Variants in PPP2R1B observed in about 807,000 individuals in gnomAD.
The protein encoded by PPP2R1B is protein phosphatase 2 scaffold subunit Abeta.
A neutral mutation model predicts 72.7 loss-of-function variants in PPP2R1B; 58 were observed. That is an observed-to-expected ratio of 0.80 (90% CI 0.65 to 0.99). PPP2R1B has a LOEUF of 0.99. Ranked by LOEUF, PPP2R1B falls within the 50% of genes least tolerant of loss-of-function variation. PPP2R1B has a pLI of 0.00. For synonymous variants in PPP2R1B, 256 were observed against 264.6 expected (o/e 0.97, Z 0.32); for missense variants, 695 against 733.6 (o/e 0.95, Z 0.61).
At chr11:111,699,609 C>G in the PPP2R1B span, among the ~76,000 whole-genome samples, 1 of 152,208 alleles carries the variant, frequency 6.6e-6, no homozygotes, top group African/African-American at 2.4e-5. Context: ...TTCCATGAAG[C>G]TGTAATAATG....
the PPP2R1B span, among the ~76,000 whole-genome samples, chr11:111,697,331 G>A: frequency 2.6e-5 from 4 of 152,050 alleles, no homozygotes; most frequent in Admixed American, 6.6e-5. Context: ...GATCTTTATC[G>A]AGCAGCTGTT....
the PPP2R1B span, among the ~76,000 whole-genome samples, chr11:111,704,102 C>T: frequency 5.3e-5 from 8 of 152,172 alleles, no homozygotes; most frequent in East Asian, 1.9e-4. Context: ...ACCAAGGCTC[C>T]GGGCTGTGCT....
chr11:111,745,032 G>C (rs2136053668), intron 11 of PPP2R1B, among the ~76,000 whole-genome samples: 1 of 147,472 alleles, frequency 6.8e-6, no homozygotes, highest in East Asian at 2.0e-4. Context: ...TAGAGTATTT[G>C]TGTCTTCTCC....
At chr11:111,701,101 C>A in the PPP2R1B span, 1 of 1,470,606 alleles carries the variant, frequency 6.8e-7, no homozygotes, top group Non-Finnish European at 9.1e-7. This position sits in a 1 kb window ranked among gnomAD's most constrained non-coding sequence, Gnocchi z 4.2. Flanking sequence ...GTACTTAACA[C>A]ATAAGCAGTA....
intron 5 of PPP2R1B, among the ~76,000 whole-genome samples, chr11:111,757,818 G>A (rs968705724): frequency 2.0e-4 from 30 of 149,026 alleles, no homozygotes; most frequent in Admixed American, 1.8e-3. Flanking sequence ...CTGGGCGACA[G>A]GAGTGAAACT....
rs546090548 is a variant in PPP2R1B, at chr11:111,755,295, C to G, written c.843G>C (p.Glu281Asp). 48 of 1,602,654 alleles carry G rather than the reference C, an allele frequency of 3.0e-5. No homozygotes were observed. The African/African-American group carries it at 5.8e-4, about 19-fold the overall frequency. Residue 281 changes from glutamate to aspartate, a missense_variant and splice_region_variant, in exon 6 of 15, where the codon GAG becomes GAC. Transcript: ENST00000527614. ...VRYMVADRFS[E>D]LQKAMGPKIT... ...TAGTACTTAAAAATGATCACTTTACCTCTGAAAATCTGTCAGCCACCATAT... is the reference window on the plus strand; with the variant it reads ...TAGTACTTAAAAATGATCACTTTACGTCTGAAAATCTGTCAGCCACCATAT...
rs151073247 is a variant in PPP2R1B, at chr11:111,740,055, C to G, written c.*1541G>C. The G allele has an allele frequency of 6.1e-6, 6 of 985,244 alleles. No homozygotes were observed. The highest frequency in any genetic ancestry group is 5.2e-4 in the Middle Eastern group (1 of 1,914). 61.0% of individuals were successfully genotyped at this position (985,244 alleles called of 1,614,324 possible). ...GTCTTTGGGCCTTCACTAAACAGAA[C>G]AGGACTTGTTAGATTTAAAAGAGGT... is the stretch of plus-strand genomic sequence containing the variant. On this transcript the variant is annotated 3_prime_UTR_variant, in exon 15 of 15. Coordinates refer to ENST00000527614, the MANE Select transcript of PPP2R1B (RefSeq NM_002716.5).
At chr11:111,703,446 G>A in the PPP2R1B span, 3 of 1,605,602 alleles carry the variant, frequency 1.9e-6, no homozygotes, top group East Asian at 2.2e-5. Flanking sequence ...GAGATTTCGG[G>A]GTTCTACTGC....
chr11:111,723,945 A>G (rs753898973), downstream of PPP2R1B: 3 of 1,613,966 alleles, frequency 1.9e-6, no homozygotes, highest in East Asian at 6.7e-5. Context: ...ACTCCCTGTC[A>G]GTATCCTGTG....
downstream of PPP2R1B, chr11:111,722,878 T>A: frequency 1.2e-6 from 1 of 830,998 alleles, no homozygotes; most frequent in Non-Finnish European, 1.9e-6. The surrounding 1 kb of genome is among the most constrained non-coding windows in gnomAD (Gnocchi z 4.4). Flanking sequence ...TCTGCGTGTG[T>A]CACAGGCCCT....
At chr11:111,760,027 C>T in intron 4 of PPP2R1B, 76 bp from the exon 5 acceptor site, 1 of 1,437,356 alleles carries the variant, frequency 7.0e-7, no homozygotes, top group Non-Finnish European at 9.4e-7. Context: ...CACAGACAGA[C>T]TTTTAGAGGT....
chr11:111,747,868 TG>T, intron 11 of PPP2R1B, 85 bp downstream of exon 11: 1 of 1,274,496 alleles, frequency 7.8e-7, no homozygotes, highest in Non-Finnish European at 1.1e-6. Context: ...GCAAAATATC[TG>T]GTCAGACTGA....
At position 111,756,071 on chromosome 11, in the gene PPP2R1B, G is replaced by A. The variant is rs562969719; in HGVS notation, c.688-621C>T. On this transcript the variant is annotated intron_variant, in intron 5 of 14. Coordinates refer to ENST00000527614, the MANE Select transcript of PPP2R1B (RefSeq NM_002716.5). ...AAAATACAAAAAAAATTAGCCAGGCGTGGTGGCGGGTGCCTGTAGTCCCAG... is the reference window on the plus strand; with the variant it reads ...AAAATACAAAAAAAATTAGCCAGGCATGGTGGCGGGTGCCTGTAGTCCCAG... Among the ~76,000 whole-genome samples, 264 of 151,798 alleles carry A rather than the reference G, an allele frequency of 1.7e-3. 1 individual carries two copies. Among genetic ancestry groups the A allele is most frequent in the African/African-American group, 6.1e-3 (252 of 41,436 alleles).
At chr11:111,703,323 A>G in the PPP2R1B span, 2 of 1,614,214 alleles carry the variant, frequency 1.2e-6, no homozygotes, top group African/African-American at 1.3e-5. Flanking sequence ...CCTGTTCTCT[A>G]TCCACAAGAG....
chr11:111,699,847 C>T, the PPP2R1B span, among the ~76,000 whole-genome samples: 3 of 152,156 alleles, frequency 2.0e-5, no homozygotes, highest in African/African-American at 7.2e-5. Context: ...GATCCAAAGT[C>T]ACAAATCCAG....
chr11:111,755,574 G>A, intron 5 of PPP2R1B, 124 bp from the exon 6 acceptor site: 10 of 756,158 alleles, frequency 1.3e-5, no homozygotes, highest in Non-Finnish European at 1.5e-5. Context: ...ATAGTTTCAC[G>A]TCTTGACATC....
the PPP2R1B span, chr11:111,701,601 G>T: frequency 6.2e-7 from 1 of 1,611,736 alleles, no homozygotes; most frequent in Non-Finnish European, 8.5e-7. The surrounding 1 kb of genome is among the most constrained non-coding windows in gnomAD (Gnocchi z 4.2). Context: ...TCTTATTAAT[G>T]GTGTTTTACA....
At chr11:111,712,994 A>T in the PPP2R1B span, among the ~76,000 whole-genome samples, 8 of 152,220 alleles carry the variant, frequency 5.3e-5, no homozygotes, top group East Asian at 1.4e-3. Flanking sequence ...GTGAAACTCC[A>T]TCTCTACTAA....
chr11:111,761,073 AC>A lies in PPP2R1B; in HGVS notation c.307-23del, dbSNP rs370097256. 574 of 1,589,760 alleles carry A rather than the reference AC, an allele frequency of 3.6e-4. 9 individuals carry two copies. The African/African-American group carries it at 5.3e-3, about 15-fold the overall frequency. ...GAGGCTGAATGGATTAAAAAGGAAA[AC>A]CAGAGAAGAAAACTTATTGAATCAG... On this transcript the variant is annotated intron_variant, in intron 3 of 14. Transcript: ENST00000527614.
Sources: gnomAD v4.1 joint callset for allele counts (sites outside exome capture counted in the v4.1 genomes callset) on GRCh38, gnomAD v4.1.1 for gene constraint, Gnocchi (gnomAD v3.1) non-coding constraint, MANE v1.5 for transcripts, NCBI Gene and HGNC (gene_info 2026-07-23, HGNC 2026-07-21) for gene names.